Variants in BZW2 observed in about 807,000 individuals in gnomAD.
BZW2 encodes eIF5-mimic protein 1.
Under a neutral mutation model 53.2 loss-of-function variants are expected in BZW2, and 23 were observed. That is an observed-to-expected ratio of 0.43 (90% confidence interval 0.31 to 0.61). The LOEUF is 0.61. BZW2 is among the 20% of genes least tolerant of loss of function. The pLI is 0.09. For missense variants in BZW2, 409 were observed against 503.1 expected, an observed-to-expected ratio of 0.81 and a Z score of 1.79; for synonymous variants, 227 against 186.4, an observed-to-expected ratio of 1.22 and a Z score of -1.77.
chr7:16,702,027 CAT>C (rs1783683966), intron 10 of BZW2, among the ~76,000 whole-genome samples: 1 of 152,162 alleles, frequency 6.6e-6, no homozygotes, highest in Non-Finnish European at 1.5e-5. Flanking sequence ...AAGGGGAAAA[CAT>C]ATATTCCAGT....
chr7:16,676,670 T>C (rs977752248), intron 3 of BZW2, among the ~76,000 whole-genome samples: 1 of 152,260 alleles, frequency 6.6e-6, no homozygotes, highest in Non-Finnish European at 1.5e-5. Flanking sequence ...ACTTTAATAG[T>C]GGAGTTGAAT....
intron 1 of BZW2, among the ~76,000 whole-genome samples, chr7:16,648,582 T>G (rs1562472393): frequency 6.6e-6 from 1 of 152,210 alleles, no homozygotes; most frequent in African/African-American, 2.4e-5. Context: ...TCAATAAACA[T>G]TGAGCACCCA....
chr7:16,664,795 T>C (rs1183852882), intron 1 of BZW2, among the ~76,000 whole-genome samples: 1 of 152,232 alleles, frequency 6.6e-6, no homozygotes, highest in Non-Finnish European at 1.5e-5. Flanking sequence ...TGAATATAGC[T>C]ACAGGATAAA....
chr7:16,673,852 T>C (rs1388450441), intron 2 of BZW2, among the ~76,000 whole-genome samples: 3 of 152,212 alleles, frequency 2.0e-5, no homozygotes, highest in African/African-American at 7.2e-5. Flanking sequence ...CATATATGGC[T>C]CATTACATCT....
chr7:16,694,549 C>CT (rs2128367400), intron 7 of BZW2, among the ~76,000 whole-genome samples: 1 of 152,218 alleles, frequency 6.6e-6, no homozygotes, highest in East Asian at 1.9e-4. Flanking sequence ...GGGCAGAGCC[C>CT]TTATAATCCA....
At chr7:16,675,755 T>C (rs865945453) in intron 3 of BZW2, among the ~76,000 whole-genome samples, 9 of 152,354 alleles carry the variant, frequency 5.9e-5, no homozygotes, top group South Asian at 2.1e-4. Context: ...GGAAAAATCA[T>C]TGTTAACATT....
At chr7:16,661,293 G>A (rs1431875081) in intron 1 of BZW2, 1 of 152,044 alleles carries the variant, frequency 6.6e-6, no homozygotes. Flanking sequence ...AAAATGGAGA[G>A]AACTAAAGAA....
At chr7:16,692,597 T>C (rs1437810866) in intron 7 of BZW2, among the ~76,000 whole-genome samples, 3 of 152,036 alleles carry the variant, frequency 2.0e-5, no homozygotes, top group Non-Finnish European at 2.9e-5. Context: ...ACCTTGTCTA[T>C]ACTAAAAATA....
chr7:16,670,814 T>C (rs1782576306), intron 2 of BZW2, among the ~76,000 whole-genome samples: 1 of 152,232 alleles, frequency 6.6e-6, no homozygotes, highest in Non-Finnish European at 1.5e-5. Flanking sequence ...CTTGACTGCA[T>C]AATGTTTTGC....
intron 3 of BZW2, among the ~76,000 whole-genome samples, chr7:16,675,850 C>T (rs751421315): frequency 3.9e-5 from 6 of 152,164 alleles, no homozygotes; most frequent in Non-Finnish European, 7.3e-5. Context: ...GAGGCTGAGG[C>T]GGGCGGATCA....
chr7:16,674,603 A>G lies in BZW2; in HGVS notation c.235+15A>G, dbSNP rs765120867. ...CAGTATGCTTGGTAAACCATGCATT[A>G]TCGCTTCTTGTAGTATATTTATATA... On this transcript the variant is annotated intron_variant, in intron 3 of 11. Transcript: ENST00000258761. The G allele has an allele frequency of 1.4e-5, 21 of 1,547,992 alleles. No individual in the cohort carries two copies. The highest frequency in any genetic ancestry group is 1.7e-5 in the Non-Finnish European group (20 of 1,145,864).
At chr7:16,687,703 A>C (rs1783169287) in intron 6 of BZW2, 1 of 152,206 alleles carries the variant, frequency 6.6e-6, no homozygotes, top group Admixed American at 6.5e-5. Flanking sequence ...CCTGGGCAAC[A>C]GAGAAAGACT....
chr7:16,647,048 C>G (rs149991222), intron 1 of BZW2, among the ~76,000 whole-genome samples: 3,309 of 152,174 alleles, frequency 0.022, 97 homozygotes, highest in African/African-American at 0.074. Context: ...TTAATCCAAC[C>G]TTCATTCAAC....
rs1216923342 is a variant in BZW2 at position 16,684,393 on chromosome 7, T to C, written c.406-1512T>C. On this transcript the variant is annotated intron_variant, in intron 5 of 11. Transcript: ENST00000258761. Reference sequence around the variant, plus strand: ...TAGCTATCATTAGCATATAATGCAGTAAAAAACAATATGTGTGTATACATG... The same window carrying C: ...TAGCTATCATTAGCATATAATGCAGCAAAAAACAATATGTGTGTATACATG... Among the ~76,000 whole-genome samples, 4 of 152,226 alleles carry C rather than the reference T, an allele frequency of 2.6e-5. No homozygotes were observed. In the East Asian group the frequency reaches 7.7e-4, roughly 29 times the overall value.
chr7:16,662,340 T>C (rs1177547414), intron 1 of BZW2: 1 of 152,176 alleles, frequency 6.6e-6, no homozygotes, highest in African/African-American at 2.4e-5. Flanking sequence ...ATCATGTGTT[T>C]CTCCACATGG....
chr7:16,679,344 G>A (rs368285945), intron 3 of BZW2, among the ~76,000 whole-genome samples: 8 of 152,284 alleles, frequency 5.3e-5, no homozygotes, highest in African/African-American at 1.9e-4. Flanking sequence ...TTCTTCTGCC[G>A]TGGCTTCAGC....
chr7:16,684,288 T>C (rs939105658), intron 5 of BZW2, among the ~76,000 whole-genome samples: 2 of 152,206 alleles, frequency 1.3e-5, no homozygotes, highest in Non-Finnish European at 1.5e-5. Flanking sequence ...TGTTCTTTTC[T>C]GTAATTGGAG....
At chr7:16,649,743 T>G (rs1781943826) in intron 1 of BZW2, among the ~76,000 whole-genome samples, 3 of 152,236 alleles carry the variant, frequency 2.0e-5, no homozygotes, top group Admixed American at 1.3e-4. Flanking sequence ...TTTAAAAGAT[T>G]ACTTATCTTT....
At chr7:16,695,934 G>A (rs1019230494) in intron 8 of BZW2, 1 of 152,120 alleles carries the variant, frequency 6.6e-6, no homozygotes, top group African/African-American at 2.4e-5. Flanking sequence ...ATTTTCCATG[G>A]GGAAAAGAAG....
Sources: allele counts gnomAD v4.1 joint callset (sites outside exome capture counted in the v4.1 genomes callset), GRCh38; gene constraint gnomAD v4.1.1; transcripts MANE v1.5; gene names NCBI Gene and HGNC (gene_info 2026-07-23, HGNC 2026-07-21).